SH3BP5: variants seen among roughly 807,000 people sequenced by gnomAD.
The protein encoded by SH3BP5 is SH3 domain-binding protein 5.
A neutral mutation model predicts 43.3 loss-of-function variants in SH3BP5; 22 were observed. The observed-to-expected ratio is 0.51, with a 90% CI of 0.36 to 0.73. The LOEUF (loss-of-function observed/expected upper bound fraction) is 0.73. Ranked by LOEUF, SH3BP5 falls within the 30% of genes least tolerant of loss-of-function variation. The pLI is 0.00. For synonymous variants in SH3BP5, 255 were observed against 225.8 expected (o/e 1.13, Z -1.16); for missense variants, 529 against 586.9 (o/e 0.90, Z 1.02).
At chr3:15,256,354 T>C (rs1429289122) in intron 8 of SH3BP5, 51 bp from the exon 9 acceptor site, 1 of 1,550,360 alleles carries the variant, frequency 6.5e-7, no homozygotes, top group Non-Finnish European at 8.8e-7. Flanking sequence ...TTCTGCCCTG[T>C]CTCCTATAGA....
At position 15,332,570 on chromosome 3, in the gene SH3BP5, G is replaced by A. The variant is rs1392030455; in HGVS notation, c.-162C>T. 43 of 1,226,858 alleles carry A rather than the reference G, an allele frequency of 3.5e-5. No individual in the cohort carries two copies. The highest frequency in any genetic ancestry group is 4.4e-5 in the Admixed American group (1 of 22,652). The allele number at this position is 1,226,858 out of a possible 1,614,324, so 76.0% of individuals were successfully genotyped here. ...CAGCTCGCCGATGCGGATACCTCCG[G>A]CCGCGGCGGAGCAGAGGAAATGGGC... On this transcript the variant is annotated 5_prime_UTR_variant, in exon 1 of 9. Coordinates refer to ENST00000383791, the MANE Select transcript of SH3BP5 (RefSeq NM_004844.5).
At chr3:15,296,694 CTTTT>C (rs370273754) in intron 3 of SH3BP5, among the ~76,000 whole-genome samples, 40 of 124,916 alleles carry the variant, frequency 3.2e-4, no homozygotes, top group African/African-American at 1.2e-3. Context: ...AGTGTTTTTC[CTTTT>C]TTTTTTTTTT....
intron 4 of SH3BP5, among the ~76,000 whole-genome samples, chr3:15,262,782 A>AC (rs1696496994): frequency 6.6e-6 from 1 of 151,750 alleles, no homozygotes; most frequent in Non-Finnish European, 1.5e-5. Flanking sequence ...ACATGGCAAA[A>AC]CCCCGTCTCT....
intron 4 of SH3BP5, among the ~76,000 whole-genome samples, chr3:15,265,739 A>C: frequency 6.6e-6 from 1 of 151,990 alleles, no homozygotes; most frequent in South Asian, 2.1e-4. Context: ...TGGGATAAGT[A>C]AGGAGGAGAG....
upstream of SH3BP5, among the ~76,000 whole-genome samples, chr3:15,334,335 ACC>A: frequency 6.6e-6 from 1 of 152,304 alleles, no homozygotes; most frequent in South Asian, 2.1e-4. Context: ...TATACAGTCA[ACC>A]CTCCATAGCC....
At chr3:15,322,914 G>A (rs1698367920) in intron 2 of SH3BP5, among the ~76,000 whole-genome samples, 1 of 152,062 alleles carries the variant, frequency 6.6e-6, no homozygotes, top group Admixed American at 6.5e-5. Context: ...GGCTGCAGTA[G>A]GCGAATCATT....
At chr3:15,259,517 AAG>A in intron 6 of SH3BP5, 1 of 597,010 alleles carries the variant, frequency 1.7e-6, no homozygotes. Flanking sequence ...TGCTGGTCCT[AAG>A]AGCATGCTGT....
At chr3:15,277,278 T>C (rs548430227) in intron 3 of SH3BP5, among the ~76,000 whole-genome samples, 1 of 152,282 alleles carries the variant, frequency 6.6e-6, no homozygotes, top group South Asian at 2.1e-4. Flanking sequence ...AGCCTCATTC[T>C]AAACTTCTAT....
chr3:15,257,102 C>A lies in SH3BP5; in HGVS notation c.901G>T (p.Ala301Ser), dbSNP rs1231878142. Residue 301 changes from alanine to serine, a missense_variant, in exon 8 of 9, where the codon GCC becomes TCC. Ala to Ser is a moderately conservative substitution (Grantham distance 99, BLOSUM62 1). This residue lies in a region of SH3BP5 where 369 missense variants were observed against 384.3 expected (regional missense o/e 0.96). Coordinates refer to ENST00000383791, the MANE Select transcript of SH3BP5 (RefSeq NM_004844.5). ...TTGCTACAGCTGTCATCTTCAAAGG[C>A]CTCCGAGGCCACTAAGTTGAGAGAG... is the stretch of plus-strand genomic sequence containing the variant. ...EPDAISVASE[A>S]FEDDSCSNFV... is the part of the protein sequence containing the mutation. 6.2e-7 allele frequency: 1 copy of A among 1,613,762 alleles called. No homozygotes were observed. The highest frequency in any genetic ancestry group is 1.7e-5 in the Admixed American group (1 of 60,018).
intron 5 of SH3BP5, 94 bp from the exon 6 acceptor site, chr3:15,259,897 G>T: frequency 9.7e-6 from 11 of 1,136,036 alleles, no homozygotes; most frequent in Non-Finnish European, 1.5e-5. Flanking sequence ...GCTACCACTG[G>T]CCAGGTCGTC....
intron 3 of SH3BP5, among the ~76,000 whole-genome samples, chr3:15,279,493 C>T (rs536326965): frequency 6.6e-6 from 1 of 152,018 alleles, no homozygotes; most frequent in Non-Finnish European, 1.5e-5. Context: ...CGGTTTTGTT[C>T]CAGCCTGAGC....
chr3:15,301,230 T>C (rs1477635628), intron 3 of SH3BP5, among the ~76,000 whole-genome samples: 1 of 152,050 alleles, frequency 6.6e-6, no homozygotes, highest in African/African-American at 2.4e-5. Flanking sequence ...CATGCCACTC[T>C]CCATCTGCTT....
At chr3:15,294,091 A>AAAAAG (rs1281015679) in intron 3 of SH3BP5, among the ~76,000 whole-genome samples, 1 of 151,464 alleles carries the variant, frequency 6.6e-6, no homozygotes, top group African/African-American at 2.4e-5. Context: ...AAAAAAAAAA[A>AAAAAG]AAAAGAAAAG....
upstream of SH3BP5, among the ~76,000 whole-genome samples, chr3:15,335,492 G>T (rs1252266384): frequency 4.6e-5 from 7 of 151,892 alleles, no homozygotes; most frequent in African/African-American, 1.7e-4. Context: ...TAGATCACTT[G>T]AGCCCAGGAA....
chr3:15,271,137 G>C (rs546495972), intron 3 of SH3BP5, among the ~76,000 whole-genome samples: 41 of 151,736 alleles, frequency 2.7e-4, no homozygotes, highest in African/African-American at 9.4e-4. Context: ...CAGCACTTTG[G>C]GGGGCCAAGG....
chr3:15,294,790 C>T (rs980271162), intron 3 of SH3BP5, among the ~76,000 whole-genome samples: 1 of 152,152 alleles, frequency 6.6e-6, no homozygotes, highest in Admixed American at 6.5e-5. Flanking sequence ...AACTCAAGAG[C>T]CTACCATGGC....
At chr3:15,305,975 C>T (rs908750480) in intron 2 of SH3BP5, among the ~76,000 whole-genome samples, 7 of 151,886 alleles carry the variant, frequency 4.6e-5, no homozygotes, top group African/African-American at 1.7e-4. Flanking sequence ...GATTCAAACC[C>T]CACATCCCCT....
chr3:15,293,064 T>G (rs1388212575), intron 3 of SH3BP5, among the ~76,000 whole-genome samples: 1 of 152,216 alleles, frequency 6.6e-6, no homozygotes, highest in Non-Finnish European at 1.5e-5. Context: ...GTTTCCAAAG[T>G]GCAGCTGCTT....
chr3:15,294,289 A>G (rs908421192), intron 3 of SH3BP5, among the ~76,000 whole-genome samples: 1 of 110,864 alleles, frequency 9.0e-6, no homozygotes, highest in East Asian at 3.0e-4. Flanking sequence ...CTGCAAAAGT[A>G]AGTGTGTGTG....
Sources: allele counts gnomAD v4.1 joint callset (sites outside exome capture counted in the v4.1 genomes callset), GRCh38; gene constraint gnomAD v4.1.1; regional missense constraint gnomAD v4.1.1; transcripts MANE v1.5; gene names NCBI Gene and HGNC (gene_info 2026-07-23, HGNC 2026-07-21).